Variants in AGBL4 observed in about 807,000 individuals in gnomAD.
AGBL4 encodes the protein AGBL carboxypeptidase 4.
In AGBL4, 58 loss-of-function variants were observed where a neutral mutation model predicts 66.4. That is an observed-to-expected ratio of 0.87 (90% CI 0.71 to 1.09). AGBL4 has a LOEUF of 1.09. Ranked by LOEUF, AGBL4 falls within the 50% of genes least tolerant of loss-of-function variation. The pLI is 0.00. For missense variants in AGBL4, 579 were observed against 631.0 expected, an observed-to-expected ratio of 0.92 and a Z score of 0.88; for synonymous variants, 234 against 222.9, an observed-to-expected ratio of 1.05 and a Z score of -0.44.
At chr1:49,118,789 T>C (rs1645587718) in intron 4 of AGBL4, among the ~76,000 whole-genome samples, 2 of 152,240 alleles carry the variant, frequency 1.3e-5, no homozygotes, top group Non-Finnish European at 2.9e-5. Context: ...CACCTCTTTG[T>C]ACCTCTGGTA....
intron 3 of AGBL4, among the ~76,000 whole-genome samples, chr1:49,252,715 C>G (rs1652171920): frequency 1.3e-5 from 2 of 152,098 alleles, no homozygotes; most frequent in African/African-American, 2.4e-5. Context: ...GACCTCTCAG[C>G]TGAAATCCTA....
chr1:48,881,522 T>A (rs892667115), intron 5 of AGBL4, among the ~76,000 whole-genome samples: 8 of 152,170 alleles, frequency 5.3e-5, no homozygotes, highest in Admixed American at 1.3e-4. Context: ...CACTTGGGCC[T>A]GAATTGGCAC....
intron 1 of AGBL4, among the ~76,000 whole-genome samples, chr1:49,862,074 T>C (rs979986459): frequency 6.6e-6 from 1 of 151,626 alleles, no homozygotes; most frequent in East Asian, 1.9e-4. Context: ...CCTGGAAAAA[T>C]AGAGATATGT....
chr1:49,839,445 C>G (rs1047845920), intron 2 of AGBL4, among the ~76,000 whole-genome samples: 1 of 151,846 alleles, frequency 6.6e-6, no homozygotes, highest in Non-Finnish European at 1.5e-5. Flanking sequence ...AGATAATGGC[C>G]TTATAAGGTG....
chr1:48,733,307 CCA>C (rs1348848094), intron 6 of AGBL4, among the ~76,000 whole-genome samples: 1 of 152,052 alleles, frequency 6.6e-6, no homozygotes, highest in Non-Finnish European at 1.5e-5. Flanking sequence ...GGACTGAAAT[CCA>C]GAGCCCAGAT....
chr1:49,949,408 A>C (rs1178775395), intron 1 of AGBL4, among the ~76,000 whole-genome samples: 11 of 151,898 alleles, frequency 7.2e-5, no homozygotes, highest in Non-Finnish European at 4.4e-5. Context: ...AGGAACAGTC[A>C]GCAGAGTAAA....
At chr1:48,630,016 A>T (rs965929435) in intron 9 of AGBL4, among the ~76,000 whole-genome samples, 1 of 152,190 alleles carries the variant, frequency 6.6e-6, no homozygotes, top group African/African-American at 2.4e-5. Context: ...GCTGGGCGCC[A>T]GAGACCCTGA....
chr1:48,926,702 C>T (rs1355090661), intron 5 of AGBL4, among the ~76,000 whole-genome samples: 1 of 152,112 alleles, frequency 6.6e-6, no homozygotes, highest in Non-Finnish European at 1.5e-5. Flanking sequence ...TCTACTGCTA[C>T]CCTATTACTA....
intron 5 of AGBL4, among the ~76,000 whole-genome samples, chr1:49,038,955 C>A (rs935738692): frequency 1.3e-5 from 2 of 152,070 alleles, no homozygotes; most frequent in Admixed American, 6.6e-5. Flanking sequence ...ACTAAGATAT[C>A]CTTCAATAGG....
At chr1:48,740,849 G>A (rs1160462900) in intron 6 of AGBL4, among the ~76,000 whole-genome samples, 8 of 152,286 alleles carry the variant, frequency 5.3e-5, no homozygotes, top group African/African-American at 1.9e-4. Flanking sequence ...CATTTCCAGT[G>A]CGTCCACTTC....
intron 3 of AGBL4, among the ~76,000 whole-genome samples, chr1:49,555,972 G>A (rs189288591): frequency 6.6e-5 from 10 of 152,260 alleles, no homozygotes; most frequent in South Asian, 6.2e-4. Flanking sequence ...ACAGTGTAGC[G>A]ATTCCTCAGG....
chr1:49,654,604 C>T (rs1342500712), intron 3 of AGBL4, among the ~76,000 whole-genome samples: 3 of 152,238 alleles, frequency 2.0e-5, no homozygotes. Context: ...AATCTGGGTG[C>T]TCCTGCATTG....
intron 5 of AGBL4, among the ~76,000 whole-genome samples, chr1:49,022,447 T>G (rs1663320083): frequency 6.6e-6 from 1 of 152,042 alleles, no homozygotes; most frequent in Non-Finnish European, 1.5e-5. Flanking sequence ...GACAAACATT[T>G]TTTTGAGAAC....
chr1:49,245,809 C>T lies in AGBL4; in HGVS notation c.338G>A (p.Gly113Glu). The T allele has an allele frequency of 6.5e-7, 1 of 1,549,700 alleles. No individual in the cohort carries two copies. The highest frequency in any genetic ancestry group is 8.7e-7 in the Non-Finnish European group (1 of 1,145,604). The change falls in exon 4 of 14, where the codon GGG (glycine) becomes GAG (glutamate). Residue 113 changes from glycine (G) to glutamate (E), a missense_variant. Transcript: ENST00000371839. ...FSKTKSLYRD[G>E]MAPMVKSTSR... is the part of the protein sequence containing the mutation. ...GGTAGATTTCACCATAGGGGCCATC[C>T]CATCTCTATAGAGACTCTTGGTTTT...
Position 49,213,899 on chromosome 1 carries a change from A to G in AGBL4, c.377+31871T>C, listed in dbSNP as rs1648869005. On this transcript the variant is annotated intron_variant, in intron 4 of 13. Transcript: ENST00000371839. The stretch of plus-strand genomic sequence containing the variant: ...ACAAATGGCTCTGAGTATTTGATGC[A>G]GCCCACCATAGCAGACAGTTCCTGT... Among the ~76,000 whole-genome samples, 3 of 152,106 alleles carry G rather than the reference A, an allele frequency of 2.0e-5. No homozygotes were observed. The South Asian group carries it at 6.2e-4, about 31-fold the overall frequency.
intron 6 of AGBL4, among the ~76,000 whole-genome samples, chr1:48,730,105 A>T (rs1386809786): frequency 6.6e-6 from 1 of 152,102 alleles, no homozygotes; most frequent in East Asian, 1.9e-4. Context: ...TCTACCTAGA[A>T]CTCTGTGCTC....
At chr1:49,513,728 T>C (rs1649488996) in intron 3 of AGBL4, among the ~76,000 whole-genome samples, 1 of 152,056 alleles carries the variant, frequency 6.6e-6, no homozygotes, top group Non-Finnish European at 1.5e-5. Context: ...TATATTTTCT[T>C]CTTAATTTAC....
chr1:49,564,502 T>C (rs1395949740), intron 3 of AGBL4, among the ~76,000 whole-genome samples: 10 of 152,342 alleles, frequency 6.6e-5, no homozygotes, highest in South Asian at 6.2e-4. Flanking sequence ...TTCTGGTATG[T>C]TGTGTCTTTC....
intron 4 of AGBL4, among the ~76,000 whole-genome samples, chr1:49,142,037 T>C (rs1042591477): frequency 1.3e-5 from 2 of 152,084 alleles, no homozygotes; most frequent in African/African-American, 4.8e-5. Flanking sequence ...GAGCTCCACC[T>C]CCTGTCAGAT....
Sources: allele counts gnomAD v4.1 joint callset (sites outside exome capture counted in the v4.1 genomes callset), GRCh38; gene constraint gnomAD v4.1.1; transcripts MANE v1.5; gene names NCBI Gene and HGNC (gene_info 2026-07-23, HGNC 2026-07-21).